Variants in KIN observed in about 807,000 individuals in gnomAD.
KIN encodes the protein Kin17 DNA and RNA binding protein, also known as DNA/RNA-binding protein KIN17.
KIN carries 47 observed loss-of-function variants against 63.0 expected under a neutral mutation model. The ratio of observed to expected loss-of-function variants is 0.75; its 90% CI spans 0.59 to 0.95. The LOEUF (loss-of-function observed/expected upper bound fraction) is 0.95, where lower values mean the gene tolerates loss of function less well. Ranked by LOEUF, KIN falls within the 40% of genes least tolerant of loss-of-function variation. KIN has a pLI of 0.00. For synonymous variants in KIN, 160 were observed against 157.7 expected, an observed-to-expected ratio of 1.01 and a Z score of -0.11; for missense variants, 408 against 460.9, an observed-to-expected ratio of 0.89 and a Z score of 1.05.
intron 8 of KIN, among the ~76,000 whole-genome samples, chr10:7,768,893 T>C (rs952643466): frequency 6.6e-6 from 1 of 151,992 alleles, no homozygotes; most frequent in Non-Finnish European, 1.5e-5. Flanking sequence ...GGCAAGCGCC[T>C]GCAATCCCAG....
chr10:7,767,189 T>C (rs1434256581), intron 8 of KIN, among the ~76,000 whole-genome samples: 4 of 152,188 alleles, frequency 2.6e-5, no homozygotes, highest in African/African-American at 9.6e-5. Context: ...CTCTATGGTG[T>C]TGGCCCTCCT....
intron 7 of KIN, among the ~76,000 whole-genome samples, chr10:7,774,436 G>A (rs1325367408): frequency 6.6e-6 from 1 of 152,148 alleles, no homozygotes; most frequent in Non-Finnish European, 1.5e-5. Context: ...AAGGATTCAT[G>A]GAGAAGCAAA....
chr10:7,786,029 A>C (rs925508803), intron 1 of KIN, among the ~76,000 whole-genome samples: 1 of 152,202 alleles, frequency 6.6e-6, no homozygotes, highest in African/African-American at 2.4e-5. Flanking sequence ...ACCAAGAGTG[A>C]ACCCTAATGT....
intron 12 of KIN, among the ~76,000 whole-genome samples, chr10:7,759,252 C>A (rs1386062291): frequency 6.6e-6 from 1 of 152,140 alleles, no homozygotes; most frequent in Non-Finnish European, 1.5e-5. Context: ...GTTCAGAGTT[C>A]TAAAAGGAAA....
At chr10:7,760,680 C>G (rs931917680) in intron 11 of KIN, among the ~76,000 whole-genome samples, 9 of 152,040 alleles carry the variant, frequency 5.9e-5, no homozygotes, top group Non-Finnish European at 7.4e-5. Flanking sequence ...ATTATAATTG[C>G]TCTATTTTAT....
In KIN at chr10:7,755,874, A is replaced by C; in HGVS notation, c.*206T>G. On this transcript the variant is annotated 3_prime_UTR_variant, in exon 13 of 13. Transcript: ENST00000379562. ...AATTACAAAGGAAACAAAAATAACA[A>C]GGACAAAATTACATAGTTTGATACC... The C allele has an allele frequency of 2.7e-6, 1 of 376,140 alleles. No individual in the cohort carries two copies. Among genetic ancestry groups the C allele is most frequent in the Non-Finnish European group, 4.7e-6 (1 of 210,872 alleles). The allele number at this position is 376,140 out of a possible 1,614,324, so 23.3% of individuals were successfully genotyped here. A position where few individuals can be genotyped will look rare whatever the true frequency, so the allele number is the denominator to read the frequency against.
Position 7,765,753 on chromosome 10 carries a change from A to G in KIN, c.849+300T>C, listed in dbSNP as rs1477267696. 3.9e-5 allele frequency among the ~76,000 whole-genome samples: 6 copies of G among 152,354 alleles called. No individual in the cohort carries two copies. In the South Asian group the frequency reaches 1.0e-3, roughly 26 times the overall value. ...ACTTTTTGAACTCATTTCTGAAAAC[A>G]TAACCTCTTGTCTTATAGCAAAAAT... On this transcript the variant is annotated intron_variant, in intron 9 of 12. Coordinates refer to ENST00000379562, the MANE Select transcript of KIN (RefSeq NM_012311.4).
intron 1 of KIN, among the ~76,000 whole-genome samples, chr10:7,784,374 C>T (rs192326108): frequency 4.6e-5 from 7 of 152,138 alleles, no homozygotes; most frequent in Admixed American, 2.6e-4. Flanking sequence ...TGTGAGCCTC[C>T]GAGTTCAAGA....
chr10:7,774,550 G>A (rs1295752908), intron 7 of KIN, among the ~76,000 whole-genome samples: 1 of 152,034 alleles, frequency 6.6e-6, no homozygotes, highest in African/African-American at 2.4e-5. Context: ...GCTGGGCACA[G>A]TAGGGCGTGC....
chr10:7,775,940 T>C lies in KIN; in HGVS notation c.559-141A>G. 5.9e-6 allele frequency: 3 copies of C among 506,282 alleles called. No individual in the cohort carries two copies. In the South Asian group the frequency reaches 7.8e-5, roughly 13 times the overall value. 31.4% of individuals were successfully genotyped at this position (506,282 alleles called of 1,614,324 possible). A position where few individuals can be genotyped will look rare whatever the true frequency, so the allele number is the denominator to read the frequency against. ...TTAAGATCCTAATTAAGAAATTACATGCTTTCGGCCAGGCGCGGTGGCTCA... is the reference window on the plus strand; with the variant it reads ...TTAAGATCCTAATTAAGAAATTACACGCTTTCGGCCAGGCGCGGTGGCTCA... On this transcript the variant is annotated intron_variant, in intron 5 of 12. Transcript: ENST00000379562.
rs1835246498 is a variant in KIN, at chr10:7,751,733, A to G, written c.*4347T>C. 1 of 152,232 alleles carries G rather than the reference A, an allele frequency of 6.6e-6. No homozygotes were observed. Among genetic ancestry groups the G allele is most frequent in the Admixed American group, 6.5e-5 (1 of 15,282 alleles). 9.4% of individuals were successfully genotyped at this position (152,232 alleles called of 1,614,324 possible). A position where few individuals can be genotyped will look rare whatever the true frequency, so the allele number is the denominator to read the frequency against. On this transcript the variant is annotated 3_prime_UTR_variant, in exon 13 of 13. Transcript: ENST00000379562. The stretch of plus-strand genomic sequence containing the variant: ...AAATATTAGAATGCTAATATTCAAC[A>G]TAAACTTCAAAAGTGAGATTTTAGC...
At chr10:7,769,075 C>T (rs1212895843) in intron 8 of KIN, 141 bp downstream of exon 8, 8 of 651,828 alleles carry the variant, frequency 1.2e-5, no homozygotes, top group South Asian at 7.8e-5. Context: ...AACTCCAGTT[C>T]GGGGAACTGT....
At chr10:7,769,757 A>G (rs771746780) in intron 7 of KIN, among the ~76,000 whole-genome samples, 52 of 152,198 alleles carry the variant, frequency 3.4e-4, no homozygotes, top group Admixed American at 3.3e-3. Context: ...CTTCATCTAT[A>G]AACGAAGATA....
chr10:7,772,304 G>A (rs922656900), intron 7 of KIN, among the ~76,000 whole-genome samples: 2 of 152,170 alleles, frequency 1.3e-5, no homozygotes, highest in African/African-American at 4.8e-5. Flanking sequence ...GACTGAGACA[G>A]GGGTAAGGCA....
intron 2 of KIN, among the ~76,000 whole-genome samples, chr10:7,780,624 C>T (rs374438006): frequency 3.9e-5 from 6 of 152,094 alleles, no homozygotes; most frequent in Non-Finnish European, 7.4e-5. Context: ...GTCTCAAACT[C>T]GTGACCTCAG....
intron 8 of KIN, among the ~76,000 whole-genome samples, chr10:7,767,907 C>T (rs1453256945): frequency 6.6e-6 from 1 of 151,188 alleles, no homozygotes; most frequent in Non-Finnish European, 1.5e-5. Flanking sequence ...TTTTCTATCC[C>T]TTCACAATGA....
chr10:7,778,085 C>T (rs991530389), intron 5 of KIN, among the ~76,000 whole-genome samples: 2 of 152,156 alleles, frequency 1.3e-5, no homozygotes, highest in East Asian at 1.9e-4. Flanking sequence ...ATCTGGCTTG[C>T]ACCCACTGAT....
At chr10:7,760,052 G>A in intron 11 of KIN, 62 bp from the exon 12 acceptor site, 2 of 791,242 alleles carry the variant, frequency 2.5e-6, no homozygotes, top group East Asian at 2.7e-5. Flanking sequence ...CTTCTAACTT[G>A]TTACAGCAAA....
chr10:7,781,015 G>C (rs927914), intron 2 of KIN, among the ~76,000 whole-genome samples: 117,484 of 152,102 alleles, frequency 0.77, 45,593 homozygotes, highest in East Asian at 0.86. Flanking sequence ...CTCTGAGCTG[G>C]GTACACCGTA....
Sources: gnomAD v4.1 joint callset for allele counts (sites outside exome capture counted in the v4.1 genomes callset) on GRCh38, gnomAD v4.1.1 for gene constraint, MANE v1.5 for transcripts, NCBI Gene and HGNC (gene_info 2026-07-23, HGNC 2026-07-21) for gene names.